Variants in ARHGAP10 observed in about 807,000 individuals in gnomAD.
ARHGAP10 encodes Rho GTPase activating protein 10.
In ARHGAP10, 87 loss-of-function variants were observed where a neutral mutation model predicts 108.6. That is an observed-to-expected ratio of 0.80 (90% confidence interval 0.67 to 0.96). ARHGAP10 has a LOEUF of 0.96. Among genes scored for constraint, ARHGAP10 ranks in the 40% least tolerant of loss-of-function variants. The pLI is 0.00. For missense variants in ARHGAP10, 939 were observed against 954.5 expected (o/e 0.98, Z 0.21); for synonymous variants, 347 against 341.1 (o/e 1.02, Z -0.19).
intron 1 of ARHGAP10, among the ~76,000 whole-genome samples, chr4:147,748,774 C>T (rs1450815781): frequency 2.0e-5 from 3 of 152,012 alleles, no homozygotes; most frequent in African/African-American, 2.4e-5. Context: ...AGTTTGAGAC[C>T]AGCCTGGGCA....
rs1198253952 is a variant in ARHGAP10, at chr4:147,945,898, G to A, written c.1304-719G>A. On this transcript the variant is annotated intron_variant, in intron 14 of 22. Coordinates refer to ENST00000336498, the MANE Select transcript of ARHGAP10 (RefSeq NM_024605.4). ...GCAAAGAGAGGGGGTCCCACCAGCG[G>A]GCTCCCACCTCTCATATTGAACGCA... is the stretch of plus-strand genomic sequence containing the variant. 3.3e-5 allele frequency among the ~76,000 whole-genome samples: 5 copies of A among 152,116 alleles called. No individual in the cohort carries two copies. The East Asian group carries it at 9.6e-4, about 29-fold the overall frequency.
chr4:147,744,742 G>A (rs1212172140), intron 1 of ARHGAP10, among the ~76,000 whole-genome samples: 2 of 152,098 alleles, frequency 1.3e-5, no homozygotes, highest in African/African-American at 4.8e-5. Flanking sequence ...GAGAGGATGA[G>A]TTTTTGGTTT....
chr4:147,776,473 G>A (rs1464409905), intron 1 of ARHGAP10, among the ~76,000 whole-genome samples: 1 of 152,128 alleles, frequency 6.6e-6, no homozygotes, highest in East Asian at 1.9e-4. Flanking sequence ...ACCCACCTTG[G>A]CCTCCCAAAG....
At chr4:147,836,828 G>C (rs1733188769) in intron 3 of ARHGAP10, among the ~76,000 whole-genome samples, 1 of 151,598 alleles carries the variant, frequency 6.6e-6, no homozygotes, top group Non-Finnish European at 1.5e-5. Flanking sequence ...CTTCAAGTAT[G>C]ATGTGCCTTT....
intron 18 of ARHGAP10, among the ~76,000 whole-genome samples, chr4:147,984,208 T>C (rs530093351): frequency 2.0e-5 from 3 of 152,216 alleles, no homozygotes; most frequent in Admixed American, 2.0e-4. Flanking sequence ...GCCTGGGGAA[T>C]GGGCAGAGGG....
At chr4:147,877,994 T>C (rs905278073) in intron 8 of ARHGAP10, among the ~76,000 whole-genome samples, 1 of 152,114 alleles carries the variant, frequency 6.6e-6, no homozygotes, top group Admixed American at 6.6e-5. Context: ...TGGAGGGCAG[T>C]GGCACGATCT....
chr4:148,006,097 A>G (rs1740937070), intron 18 of ARHGAP10, among the ~76,000 whole-genome samples: 1 of 152,158 alleles, frequency 6.6e-6, no homozygotes, highest in Non-Finnish European at 1.5e-5. Context: ...TAAGGCCCTA[A>G]CACTGGCAGC....
intron 1 of ARHGAP10, among the ~76,000 whole-genome samples, chr4:147,813,279 A>G (rs1383665968): frequency 6.6e-6 from 1 of 152,152 alleles, no homozygotes; most frequent in Non-Finnish European, 1.5e-5. Context: ...GCTACTTCAC[A>G]GCTCCTGTGA....
chr4:148,013,143 G>C (rs1319953608), intron 18 of ARHGAP10, among the ~76,000 whole-genome samples: 1 of 152,154 alleles, frequency 6.6e-6, no homozygotes, highest in Non-Finnish European at 1.5e-5. Flanking sequence ...AGGGCAGCCT[G>C]TCCTAAAGTG....
At chr4:147,973,402 G>A (rs1039660) in intron 18 of ARHGAP10, among the ~76,000 whole-genome samples, 22,515 of 151,826 alleles carry the variant, frequency 0.15, 2,021 homozygotes, top group African/African-American at 0.26. Context: ...TTTAATTTTC[G>A]TGGGTACATA....
intron 18 of ARHGAP10, among the ~76,000 whole-genome samples, chr4:147,994,660 A>G (rs1236311193): frequency 6.6e-6 from 1 of 152,226 alleles, no homozygotes; most frequent in Non-Finnish European, 1.5e-5. Flanking sequence ...CTGAATCAAC[A>G]TTGCTTTATT....
intron 1 of ARHGAP10, among the ~76,000 whole-genome samples, chr4:147,805,921 A>G (rs1405004180): frequency 3.3e-5 from 5 of 152,252 alleles, no homozygotes; most frequent in African/African-American, 1.2e-4. Flanking sequence ...AATAATCCCA[A>G]ACTGTCTCAA....
intron 19 of ARHGAP10, among the ~76,000 whole-genome samples, chr4:148,026,756 C>G (rs887545073): frequency 1.3e-5 from 2 of 152,052 alleles, no homozygotes; most frequent in African/African-American, 2.4e-5. Context: ...ATCTCAACAT[C>G]AAAGCTGAGT....
At chr4:148,060,667 C>T (rs577980043) in intron 20 of ARHGAP10, among the ~76,000 whole-genome samples, 28 of 152,200 alleles carry the variant, frequency 1.8e-4, no homozygotes, top group African/African-American at 5.3e-4. Context: ...CACGTTGCCC[C>T]GTCTTGTGAA....
At chr4:147,899,152 C>T (rs62330737) in intron 10 of ARHGAP10, among the ~76,000 whole-genome samples, 105,508 of 152,086 alleles carry the variant, frequency 0.69, 43,275 homozygotes, top group Non-Finnish European at 0.91. Context: ...AGTTGGAGGG[C>T]GGGTTCAGAC....
At chr4:147,757,273 C>T (rs1316221643) in intron 1 of ARHGAP10, among the ~76,000 whole-genome samples, 1 of 148,794 alleles carries the variant, frequency 6.7e-6, no homozygotes, top group African/African-American at 2.5e-5. Flanking sequence ...GGGCTCACTG[C>T]AACCTCTGCC....
chr4:147,932,564 A>C (rs1737747827), intron 13 of ARHGAP10, among the ~76,000 whole-genome samples: 1 of 151,974 alleles, frequency 6.6e-6, no homozygotes, highest in African/African-American at 2.4e-5. Context: ...CAGAAAACCA[A>C]ATATCTCATG....
intron 10 of ARHGAP10, among the ~76,000 whole-genome samples, chr4:147,892,305 G>A (rs557706682): frequency 3.5e-4 from 54 of 152,312 alleles, no homozygotes; most frequent in African/African-American, 1.3e-3. Context: ...AAAAGAGTGA[G>A]TTAAGAGCAT....
chr4:147,881,702 C>G, intron 9 of ARHGAP10, 136 bp from the exon 10 acceptor site: 1 of 594,088 alleles, frequency 1.7e-6, no homozygotes, highest in Non-Finnish European at 2.9e-6. Context: ...TTAAATAAGC[C>G]AGTTTGAAAG....
Sources: gnomAD v4.1 joint callset for allele counts (sites outside exome capture counted in the v4.1 genomes callset) on GRCh38, gnomAD v4.1.1 for gene constraint, MANE v1.5 for transcripts, NCBI Gene and HGNC (gene_info 2026-07-23, HGNC 2026-07-21) for gene names.